Variants in GALNT17 observed in about 807,000 individuals in gnomAD.
The protein encoded by GALNT17 is UDP-GalNAc:polypeptide N-acetylgalactosaminyltransferase-like 3.
In GALNT17, 29 loss-of-function variants were observed where a neutral mutation model predicts 63.7. That is an observed-to-expected ratio of 0.46 (90% CI 0.34 to 0.62). The LOEUF (loss-of-function observed/expected upper bound fraction) is 0.62, where lower values mean the gene tolerates loss of function less well. Among genes scored for constraint, GALNT17 ranks in the 20% least tolerant of loss-of-function variants. GALNT17 has a pLI of 0.01. For missense variants in GALNT17, 603 were observed against 799.6 expected (o/e 0.75, Z 2.97); for synonymous variants, 305 against 318.3 (o/e 0.96, Z 0.45).
chr7:71,518,763 CT>C (rs1788482412), intron 5 of GALNT17, among the ~76,000 whole-genome samples: 1 of 152,154 alleles, frequency 6.6e-6, no homozygotes, highest in African/African-American at 2.4e-5. Flanking sequence ...AGATTAAAAC[CT>C]TTGCCTGGAA....
chr7:71,377,114 A>AAAAAAAAAAATATAT, intron 2 of GALNT17, among the ~76,000 whole-genome samples: 1 of 57,486 alleles, frequency 1.7e-5, no homozygotes, highest in African/African-American at 9.4e-5. Context: ...AAATAAAAAA[A>AAAAAAAAAAATATAT]ATATATATAT....
intron 3 of GALNT17, among the ~76,000 whole-genome samples, chr7:71,402,480 C>A (rs1369153386): frequency 6.6e-6 from 1 of 152,206 alleles, no homozygotes; most frequent in Non-Finnish European, 1.5e-5. Context: ...GAAGCTTTTG[C>A]ATTTCACATT....
At chr7:71,503,624 A>G (rs1018033693) in intron 5 of GALNT17, among the ~76,000 whole-genome samples, 2 of 152,164 alleles carry the variant, frequency 1.3e-5, no homozygotes, top group African/African-American at 2.4e-5. Flanking sequence ...CTGAAATTCA[A>G]TGTAGCCAAG....
At chr7:71,598,125 G>A (rs1379166701) in intron 6 of GALNT17, among the ~76,000 whole-genome samples, 1 of 152,154 alleles carries the variant, frequency 6.6e-6, no homozygotes, top group African/African-American at 2.4e-5. Context: ...TGTATTTTTA[G>A]TAGAGATGGG....
At chr7:71,679,044 G>A (rs1353489807) in intron 9 of GALNT17, among the ~76,000 whole-genome samples, 1 of 152,008 alleles carries the variant, frequency 6.6e-6, no homozygotes, top group Non-Finnish European at 1.5e-5. Context: ...GGTGAAAAGT[G>A]CCTGTGGGGA....
chr7:71,515,879 G>A (rs770400691), intron 5 of GALNT17, among the ~76,000 whole-genome samples: 5 of 152,208 alleles, frequency 3.3e-5, no homozygotes, highest in South Asian at 2.1e-4. Context: ...GGGAAAGAGC[G>A]GCAGGGTGGG....
At chr7:71,683,172 C>T (rs1399422206) in intron 9 of GALNT17, among the ~76,000 whole-genome samples, 2 of 152,146 alleles carry the variant, frequency 1.3e-5, no homozygotes, top group Non-Finnish European at 2.9e-5. Flanking sequence ...GTTAAGTGGG[C>T]CCCGGCTGCT....
intron 6 of GALNT17, among the ~76,000 whole-genome samples, chr7:71,592,563 C>CTAAAA (rs71089963): frequency 0.13 from 8,629 of 65,856 alleles, 899 homozygotes; most frequent in African/African-American, 0.23. Flanking sequence ...GCATAGCATA[C>CTAAAA]TAAAATAAAA....
intron 6 of GALNT17, among the ~76,000 whole-genome samples, chr7:71,584,893 T>C (rs1299424909): frequency 2.6e-5 from 4 of 152,196 alleles, no homozygotes; most frequent in Non-Finnish European, 5.9e-5. Context: ...TAGCTGGGAC[T>C]ATAGGCGTCC....
chr7:71,698,742 T>C (rs61687568), intron 9 of GALNT17, among the ~76,000 whole-genome samples: 8,511 of 151,908 alleles, frequency 0.056, 787 homozygotes, highest in African/African-American at 0.19. Flanking sequence ...CAAAGAGAGA[T>C]GGTAGAAATA....
At chr7:71,207,758 A>G (rs912002480) in intron 1 of GALNT17, among the ~76,000 whole-genome samples, 15 of 152,136 alleles carry the variant, frequency 9.9e-5, no homozygotes, top group Non-Finnish European at 1.8e-4. Context: ...TTATGAGTGT[A>G]GACTTGATCT....
chr7:71,491,109 A>G (rs1453977144), intron 5 of GALNT17, among the ~76,000 whole-genome samples: 2 of 152,078 alleles, frequency 1.3e-5, no homozygotes, highest in East Asian at 3.9e-4. Flanking sequence ...CAGGAGAATC[A>G]CTTGAACCCA....
chr7:71,243,298 C>G (rs1033288980), intron 1 of GALNT17, among the ~76,000 whole-genome samples: 7 of 152,288 alleles, frequency 4.6e-5, no homozygotes, highest in East Asian at 1.9e-4. Flanking sequence ...TCTCTTTTCT[C>G]TATAAATTAC....
At chr7:71,479,195 CAGT>C (rs1787773503) in intron 5 of GALNT17, among the ~76,000 whole-genome samples, 1 of 151,888 alleles carries the variant, frequency 6.6e-6, no homozygotes, top group Non-Finnish European at 1.5e-5. Context: ...GATTCAGAAT[CAGT>C]AGCTTTATAA....
At chr7:71,423,817 G>T (rs1027134534) in intron 5 of GALNT17, among the ~76,000 whole-genome samples, 1 of 152,092 alleles carries the variant, frequency 6.6e-6, no homozygotes, top group Non-Finnish European at 1.5e-5. Flanking sequence ...AGCTACCCAG[G>T]AAGCTGAGGA....
intron 1 of GALNT17, among the ~76,000 whole-genome samples, chr7:71,229,302 C>T (rs1002625059): frequency 5.9e-5 from 9 of 152,228 alleles, no homozygotes; most frequent in South Asian, 2.1e-4. Context: ...AGGCTGTCAA[C>T]GGACCCAGGA....
intron 8 of GALNT17, among the ~76,000 whole-genome samples, chr7:71,672,007 G>T (rs993602526): frequency 1.5e-5 from 2 of 136,372 alleles, no homozygotes; most frequent in Non-Finnish European, 3.1e-5. Flanking sequence ...CAGCCTGGGT[G>T]ATAGAGTGAG....
rs144905786 is a variant in GALNT17 at position 71,134,589 on chromosome 7, T to C, written c.238+1549T>C. On this transcript the variant is annotated intron_variant, in intron 1 of 10. Coordinates refer to ENST00000333538, the MANE Select transcript of GALNT17 (RefSeq NM_022479.3). ...GAACTTGCAGGGTATATGGCCTGAC[T>C]GTCAGGGTAGCCCACGGAAGTTATG... 5.2e-3 allele frequency among the ~76,000 whole-genome samples: 789 copies of C among 152,268 alleles called. 10 individuals carry two copies. The highest frequency in any genetic ancestry group is 0.018 in the African/African-American group (752 of 41,572).
intron 5 of GALNT17, among the ~76,000 whole-genome samples, chr7:71,542,205 T>C (rs1190237621): frequency 6.6e-6 from 1 of 152,088 alleles, no homozygotes; most frequent in Non-Finnish European, 1.5e-5. Flanking sequence ...CCTTTTCTGA[T>C]TTGCAAATTA....
Sources: allele counts gnomAD v4.1 joint callset (sites outside exome capture counted in the v4.1 genomes callset), GRCh38; gene constraint gnomAD v4.1.1; transcripts MANE v1.5; gene names NCBI Gene and HGNC (gene_info 2026-07-23, HGNC 2026-07-21).